MTHFD1L: variants seen among roughly 807,000 people sequenced by gnomAD.
The protein encoded by MTHFD1L is monofunctional C1-tetrahydrofolate synthase, mitochondrial.
In MTHFD1L, 81 loss-of-function variants were observed where a neutral mutation model predicts 119.5. That is an observed-to-expected ratio of 0.68 (90% CI 0.57 to 0.82). The LOEUF (loss-of-function observed/expected upper bound fraction) is 0.82, where lower values mean the gene tolerates loss of function less well. Ranked by LOEUF, MTHFD1L falls within the 40% of genes least tolerant of loss-of-function variation. MTHFD1L has a pLI of 0.00. For synonymous variants in MTHFD1L, 430 were observed against 475.2 expected, an observed-to-expected ratio of 0.90 and a Z score of 1.24; for missense variants, 1,125 against 1,253.4, an observed-to-expected ratio of 0.90 and a Z score of 1.55.
At chr6:150,918,266 A>G (rs1186970546) in intron 8 of MTHFD1L, among the ~76,000 whole-genome samples, 1 of 152,068 alleles carries the variant, frequency 6.6e-6, no homozygotes, top group Non-Finnish European at 1.5e-5. Context: ...GGGTTTTGCC[A>G]TGTTGGCCAG....
intron 27 of MTHFD1L, among the ~76,000 whole-genome samples, chr6:151,094,613 G>A (rs1794738880): frequency 1.3e-5 from 2 of 151,884 alleles, no homozygotes; most frequent in Non-Finnish European, 2.9e-5. Context: ...GCACTGTGTG[G>A]GCTCACTACA....
intron 9 of MTHFD1L, among the ~76,000 whole-genome samples, chr6:150,921,062 C>T (rs1170645724): frequency 6.6e-6 from 1 of 151,768 alleles, no homozygotes; most frequent in Non-Finnish European, 1.5e-5. Flanking sequence ...AGTGATTCTC[C>T]CGCCTCAGCC....
intron 26 of MTHFD1L, among the ~76,000 whole-genome samples, chr6:151,070,424 T>C (rs1435549219): frequency 1.3e-5 from 2 of 152,242 alleles, no homozygotes; most frequent in African/African-American, 4.8e-5. Context: ...CCATCTGCAC[T>C]TTACTGTTTA....
Position 150,882,882 on chromosome 6 carries a change from G to T in MTHFD1L, c.538G>T (p.Asp180Tyr). Residue 180 changes from aspartate (D) to tyrosine (Y), a missense_variant, in exon 5 of 28, where the codon GAT becomes TAT. By Grantham distance (160) the Asp-to-Tyr change is radical. Transcript: ENST00000367321. Reference sequence around the variant, plus strand: ...TGCCTTGAAACCAGAAAAAGATGTGGATGGGTAAGAAAATAAAATCAAATA... The same window carrying T: ...TGCCTTGAAACCAGAAAAAGATGTGTATGGGTAAGAAAATAAAATCAAATA... ...LNALKPEKDV[D>Y]GVTDINLGKL... 6.4e-7 allele frequency: 1 copy of T among 1,565,704 alleles called. No individual in the cohort carries two copies. The highest frequency in any genetic ancestry group is 8.6e-7 in the Non-Finnish European group (1 of 1,165,900).
chr6:150,915,309 T>C (rs1043086363), intron 8 of MTHFD1L, among the ~76,000 whole-genome samples: 4 of 152,172 alleles, frequency 2.6e-5, no homozygotes, highest in African/African-American at 9.7e-5. Flanking sequence ...ATTTTATGTG[T>C]GGCTATGGCC....
At chr6:151,004,807 T>C (rs1438613512) in intron 20 of MTHFD1L, among the ~76,000 whole-genome samples, 2 of 152,376 alleles carry the variant, frequency 1.3e-5, no homozygotes, top group East Asian at 1.9e-4. Flanking sequence ...GTTTCCTGTT[T>C]TCATTCATAT....
intron 24 of MTHFD1L, among the ~76,000 whole-genome samples, chr6:151,030,194 G>A (rs532743763): frequency 1.3e-5 from 2 of 152,246 alleles, no homozygotes; most frequent in African/African-American, 4.8e-5. Flanking sequence ...ATAAATTCAG[G>A]GAGGTTACAT....
chr6:150,938,844 A>G, intron 13 of MTHFD1L, 99 bp downstream of exon 13: 1 of 1,406,586 alleles, frequency 7.1e-7, no homozygotes, highest in Non-Finnish European at 9.8e-7. Flanking sequence ...CCTCATCCAT[A>G]ATCCCAAAGT....
chr6:151,097,499 C>T (rs79406891), intron 27 of MTHFD1L, among the ~76,000 whole-genome samples: 2,932 of 152,130 alleles, frequency 0.019, 103 homozygotes, highest in African/African-American at 0.065. Context: ...AAGCTGGGCA[C>T]GGAAAGACTA....
At position 150,938,796 on chromosome 6, in the gene MTHFD1L, C is replaced by T. The variant is rs141915841; in HGVS notation, c.1440+51C>T. ...AGCTATCACTGTGTTTCCTTCCTGACATCTTGTCTCTGCTCCCATCCACAC... is the reference window on the plus strand; with the variant it reads ...AGCTATCACTGTGTTTCCTTCCTGATATCTTGTCTCTGCTCCCATCCACAC... On this transcript the variant is annotated intron_variant, in intron 13 of 27. Coordinates refer to ENST00000367321, the MANE Select transcript of MTHFD1L (RefSeq NM_015440.5). 5.1e-5 allele frequency: 80 copies of T among 1,560,018 alleles called. No homozygotes were observed. The African/African-American group carries it at 9.9e-4, about 19-fold the overall frequency.
intron 9 of MTHFD1L, among the ~76,000 whole-genome samples, chr6:150,920,799 G>T (rs1171869876): frequency 6.6e-6 from 1 of 151,970 alleles, no homozygotes; most frequent in African/African-American, 2.4e-5. Flanking sequence ...TTGAGACGGG[G>T]TCTCACTGTG....
rs56886193 is a variant in MTHFD1L, at chr6:150,999,342, A to G, written c.2126-10477A>G. Among the ~76,000 whole-genome samples, 715 of 152,242 alleles carry G rather than the reference A, an allele frequency of 4.7e-3. 5 individuals carry two copies. Among genetic ancestry groups the G allele is most frequent in the African/African-American group, 0.016 (682 of 41,526 alleles). On this transcript the variant is annotated intron_variant, in intron 20 of 27. Transcript: ENST00000367321. ...TTAATGGCCAAGCCTGTCAGAATTCATTTGTTTTGAGTTAACTTCCTGGTG... is the reference window on the plus strand; with the variant it reads ...TTAATGGCCAAGCCTGTCAGAATTCGTTTGTTTTGAGTTAACTTCCTGGTG...
intron 20 of MTHFD1L, among the ~76,000 whole-genome samples, chr6:150,977,050 G>A (rs1292714456): frequency 6.6e-6 from 1 of 152,178 alleles, no homozygotes; most frequent in African/African-American, 2.4e-5. Context: ...TATCTGCTAG[G>A]AGCTGGGAAT....
intron 26 of MTHFD1L, among the ~76,000 whole-genome samples, chr6:151,073,144 C>T (rs914578886): frequency 3.9e-5 from 6 of 152,134 alleles, no homozygotes; most frequent in Non-Finnish European, 7.4e-5. Context: ...GGGGATACAT[C>T]AAGGGAAACC....
rs1029150680 is a variant in MTHFD1L, at chr6:151,099,780, G to A, written c.*32-1746G>A. On this transcript the variant is annotated intron_variant, in intron 27 of 27. Coordinates refer to ENST00000367321, the MANE Select transcript of MTHFD1L (RefSeq NM_015440.5). ...TCCTGGTCCACAACGTCAAGGAGCT[G>A]GAAGTGCTGCTGATGTGCAACAATC... The A allele has an allele frequency of 5.5e-5, 89 of 1,608,090 alleles. 1 individual carries two copies. The highest frequency in any genetic ancestry group is 1.7e-5 in the Admixed American group (1 of 59,970).
At position 151,013,887 on chromosome 6, in the gene MTHFD1L, T is replaced by G. The variant is rs979834668; in HGVS notation, c.2307+67T>G. 4 of 1,376,436 alleles carry G rather than the reference T, an allele frequency of 2.9e-6. No homozygotes were observed. The Admixed American group carries it at 5.3e-5, about 18-fold the overall frequency. 85.3% of individuals were successfully genotyped at this position (1,376,436 alleles called of 1,614,324 possible). A position where few individuals can be genotyped will look rare whatever the true frequency, so the allele number is the denominator to read the frequency against. On this transcript the variant is annotated intron_variant, in intron 22 of 27. Transcript: ENST00000367321. ...AATCCAGTGACTCGTTGGCTTTCAGTGAATGAGCCCTCCTTCAGTGGCCTC... is the reference window on the plus strand; with the variant it reads ...AATCCAGTGACTCGTTGGCTTTCAGGGAATGAGCCCTCCTTCAGTGGCCTC...
chr6:150,887,125 T>C (rs895311607), intron 6 of MTHFD1L, among the ~76,000 whole-genome samples: 21 of 152,106 alleles, frequency 1.4e-4, no homozygotes, highest in African/African-American at 5.1e-4. Context: ...ATTTCAAAAA[T>C]ATATGGCAAA....
At chr6:151,066,470 C>CA (rs1466672694) in intron 26 of MTHFD1L, among the ~76,000 whole-genome samples, 3 of 128,978 alleles carry the variant, frequency 2.3e-5, no homozygotes, top group African/African-American at 2.9e-5. Flanking sequence ...AGAACCATGG[C>CA]AAAAGTGTCC....
At chr6:151,012,045 A>AAAAAAAAAC (rs1158473740) in intron 21 of MTHFD1L, among the ~76,000 whole-genome samples, 2 of 147,566 alleles carry the variant, frequency 1.4e-5, no homozygotes, top group Non-Finnish European at 1.5e-5. Flanking sequence ...AAAAAAAAAA[A>AAAAAAAAAC]AAAAAACCAG....
Sources: allele counts gnomAD v4.1 joint callset (sites outside exome capture counted in the v4.1 genomes callset), GRCh38; gene constraint gnomAD v4.1.1; transcripts MANE v1.5; gene names NCBI Gene and HGNC (gene_info 2026-07-23, HGNC 2026-07-21).